The following RALYL variants were observed in gnomAD, a reference collection of about 807,000 sequenced individuals.
RALYL encodes the protein RALY RNA binding protein like.
A neutral mutation model predicts 35.1 loss-of-function variants in RALYL; 29 were observed. The observed-to-expected ratio is 0.83, with a 90% CI of 0.61 to 1.13. The LOEUF (loss-of-function observed/expected upper bound fraction) is 1.13. Ranked by LOEUF, RALYL falls within the 50% of genes most tolerant of loss-of-function variation. The pLI is 0.00. For missense variants in RALYL, 359 were observed against 360.4 expected (o/e 1.00, Z 0.03); for synonymous variants, 120 against 127.6 (o/e 0.94, Z 0.40).
At chr8:84,596,810 G>A (rs189212524) in intron 2 of RALYL, among the ~76,000 whole-genome samples, 1 of 152,142 alleles carries the variant, frequency 6.6e-6, no homozygotes, top group Admixed American at 6.6e-5. Flanking sequence ...TTCTTCCATT[G>A]ATTTTCTTTG....
At chr8:84,905,092 C>G (rs1354396868) in intron 8 of RALYL, among the ~76,000 whole-genome samples, 1 of 152,094 alleles carries the variant, frequency 6.6e-6, no homozygotes, top group Non-Finnish European at 1.5e-5. Flanking sequence ...TTAGCAACAC[C>G]TTCATTTCTC....
chr8:84,218,348 T>C (rs1055163976), intron 1 of RALYL, among the ~76,000 whole-genome samples: 5 of 152,028 alleles, frequency 3.3e-5, no homozygotes, highest in Non-Finnish European at 5.9e-5. Context: ...TGACTTCCTA[T>C]ATATCATCAA....
chr8:84,911,349 C>T (rs981823330), intron 8 of RALYL, among the ~76,000 whole-genome samples: 1 of 152,072 alleles, frequency 6.6e-6, no homozygotes, highest in Non-Finnish European at 1.5e-5. Flanking sequence ...CTTTTCATAA[C>T]CCAAACAGAT....
intron 2 of RALYL, among the ~76,000 whole-genome samples, chr8:84,571,420 C>T (rs1463208447): frequency 6.6e-6 from 1 of 151,640 alleles, no homozygotes; most frequent in Admixed American, 6.6e-5. Context: ...TCATAGTAGT[C>T]TCTGATGATC....
At chr8:84,585,925 G>A (rs537745276) in intron 2 of RALYL, among the ~76,000 whole-genome samples, 3 of 152,158 alleles carry the variant, frequency 2.0e-5, no homozygotes, top group African/African-American at 4.8e-5. Flanking sequence ...GGCCAGGTGC[G>A]GTGGCTCATG....
At chr8:84,575,860 C>T (rs912062450) in intron 2 of RALYL, among the ~76,000 whole-genome samples, 16 of 151,382 alleles carry the variant, frequency 1.1e-4, no homozygotes, top group Middle Eastern at 3.4e-3. Context: ...GGCATAGTGG[C>T]GTGCACCTGT....
In RALYL at chr8:84,441,916, T is replaced by C. The variant is rs1165241230; in HGVS notation, c.-23-87383T>C. On this transcript the variant is annotated intron_variant, in intron 1 of 8. Transcript: ENST00000521268. Reference sequence around the variant, plus strand: ...GCTTTGGAAATTCCTCTCTGGGTTATAATTTATACAATGCTTTGCCCACAG... The same window carrying C: ...GCTTTGGAAATTCCTCTCTGGGTTACAATTTATACAATGCTTTGCCCACAG... 3.3e-5 allele frequency among the ~76,000 whole-genome samples: 5 copies of C among 152,272 alleles called. No homozygotes were observed. The South Asian group carries it at 8.3e-4, about 25-fold the overall frequency.
At chr8:84,892,702 A>T (rs932659808) in intron 8 of RALYL, among the ~76,000 whole-genome samples, 2 of 145,740 alleles carry the variant, frequency 1.4e-5, no homozygotes, top group South Asian at 2.2e-4. Flanking sequence ...AAAGTATAAT[A>T]AAAAAAAAAC....
chr8:84,840,226 A>T (rs1365758148), intron 4 of RALYL, among the ~76,000 whole-genome samples: 1 of 151,860 alleles, frequency 6.6e-6, no homozygotes, highest in African/African-American at 2.4e-5. Flanking sequence ...TTGAAAAAAA[A>T]ATGAGACAAA....
chr8:84,294,333 T>A (rs1344526721), intron 1 of RALYL, among the ~76,000 whole-genome samples: 1 of 152,080 alleles, frequency 6.6e-6, no homozygotes, highest in African/African-American at 2.4e-5. Flanking sequence ...GAAAAGTTAT[T>A]TTTTTAAAAA....
At chr8:84,559,679 T>C (rs2135561734) in intron 2 of RALYL, among the ~76,000 whole-genome samples, 1 of 152,216 alleles carries the variant, frequency 6.6e-6, no homozygotes, top group East Asian at 1.9e-4. Context: ...AAGATCTGGC[T>C]TGTGAAAATA....
At chr8:84,648,725 G>T (rs990042698) in intron 2 of RALYL, among the ~76,000 whole-genome samples, 3 of 151,414 alleles carry the variant, frequency 2.0e-5, no homozygotes, top group Non-Finnish European at 4.4e-5. Flanking sequence ...TAAGCATTTT[G>T]ATGAAATTAT....
chr8:84,199,243 T>C (rs1175399891), intron 1 of RALYL, among the ~76,000 whole-genome samples: 3 of 152,156 alleles, frequency 2.0e-5, no homozygotes, highest in East Asian at 3.9e-4. Flanking sequence ...TCTCTGTGCA[T>C]TACTCTGATG....
rs117316523 is a variant in RALYL, at chr8:84,888,427, G to A, written c.858+651G>A. On this transcript the variant is annotated intron_variant, in intron 8 of 8. Coordinates refer to ENST00000521268, the MANE Select transcript of RALYL (RefSeq NM_173848.7). ...TTGGTAAATGTATGCTGATGAGGATGTTATTTCTCATATTTTATCAAGCAT... is the reference window on the plus strand; with the variant it reads ...TTGGTAAATGTATGCTGATGAGGATATTATTTCTCATATTTTATCAAGCAT... 1.7e-3 allele frequency among the ~76,000 whole-genome samples: 252 copies of A among 152,264 alleles called. 8 individuals carry two copies. In the East Asian group the frequency reaches 0.044, roughly 27 times the overall value.
intron 8 of RALYL, among the ~76,000 whole-genome samples, chr8:84,904,321 C>G (rs1047692937): frequency 6.6e-6 from 1 of 152,124 alleles, no homozygotes; most frequent in Non-Finnish European, 1.5e-5. Flanking sequence ...AATATGAGCA[C>G]AAGGTAAATT....
At chr8:84,499,465 T>G (rs887457985) in intron 1 of RALYL, among the ~76,000 whole-genome samples, 1 of 152,148 alleles carries the variant, frequency 6.6e-6, no homozygotes, top group African/African-American at 2.4e-5. Flanking sequence ...ATTTTTAATT[T>G]TAAATCGTAT....
At chr8:84,277,930 C>A in intron 1 of RALYL, among the ~76,000 whole-genome samples, 1 of 152,186 alleles carries the variant, frequency 6.6e-6, no homozygotes, top group East Asian at 1.9e-4. Flanking sequence ...TTTCCAGGTG[C>A]ACAGTGCAAG....
Position 84,770,659 on chromosome 8 carries a change from C to A in RALYL, c.257-3920C>A, listed in dbSNP as rs114546609. ...CATAGGGTTGTACTAGTTTACATTC[C>A]CCCACCAGTGTAGAAGTGTTCCCTT... On this transcript the variant is annotated intron_variant, in intron 2 of 8. Transcript: ENST00000521268. Among the ~76,000 whole-genome samples the A allele has an allele frequency of 5.8e-3, 880 of 152,154 alleles. 13 individuals are homozygous for A. Among genetic ancestry groups the A allele is most frequent in the African/African-American group, 0.02 (818 of 41,508 alleles).
At chr8:84,611,605 T>C (rs1023206292) in intron 2 of RALYL, among the ~76,000 whole-genome samples, 2 of 152,142 alleles carry the variant, frequency 1.3e-5, no homozygotes, top group African/African-American at 4.8e-5. Flanking sequence ...CCCTAACTTA[T>C]TGACTGGTTC....
Sources: gnomAD v4.1 joint callset for allele counts (sites outside exome capture counted in the v4.1 genomes callset) on GRCh38, gnomAD v4.1.1 for gene constraint, MANE v1.5 for transcripts, NCBI Gene and HGNC (gene_info 2026-07-23, HGNC 2026-07-21) for gene names.